The following LY75 variants were observed in gnomAD, a reference collection of about 807,000 sequenced individuals.
LY75 encodes the protein lymphocyte antigen 75.
LY75 carries 185 observed loss-of-function variants against 231.7 expected under a neutral mutation model. That is an observed-to-expected ratio of 0.80 (90% confidence interval 0.71 to 0.90). The LOEUF (loss-of-function observed/expected upper bound fraction) is 0.90. Among genes scored for constraint, LY75 ranks in the 40% least tolerant of loss-of-function variants. LY75 has a pLI of 0.00. For missense variants in LY75, 1,947 were observed against 2,050.2 expected, an observed-to-expected ratio of 0.95 and a Z score of 0.97; for synonymous variants, 668 against 689.0, an observed-to-expected ratio of 0.97 and a Z score of 0.48.
At chr2:159,841,925 A>T (rs1299588235) in intron 24 of LY75, among the ~76,000 whole-genome samples, 10 of 152,168 alleles carry the variant, frequency 6.6e-5, no homozygotes, top group Admixed American at 6.5e-4. Flanking sequence ...CTTTAAAAAA[A>T]TCACATTCCA....
At position 159,853,331 on chromosome 2, in the gene LY75, G is replaced by T. The variant is rs116709589; in HGVS notation, c.2685C>A (p.Arg895=). The change falls in exon 20 of 35, where the codon CGC becomes CGA. Residue 895 remains arginine, a synonymous_variant. Coordinates refer to ENST00000263636, the MANE Select transcript of LY75 (RefSeq NM_002349.4). The part of the protein sequence containing the change: ...HFTYSRYPWH[R]FPVTFGEECL... ...ATTCCTCTCCAAATGTCACAGGAAA[G>T]CGGTGCCATGGATATCGTGAGCTAA... The T allele has an allele frequency of 6.2e-7, 1 of 1,613,618 alleles. No individual in the cohort carries two copies. The highest frequency in any genetic ancestry group is 2.2e-5 in the East Asian group (1 of 44,844).
At chr2:159,871,830 T>C (rs1685021882) in intron 13 of LY75, 1 of 152,470 alleles carries the variant, frequency 6.6e-6, no homozygotes, top group South Asian at 2.1e-4. Flanking sequence ...TATATGTGAG[T>C]GTGTGTAGAT....
chr2:159,846,188 C>T (rs1321320243), intron 23 of LY75, among the ~76,000 whole-genome samples: 2 of 151,796 alleles, frequency 1.3e-5, no homozygotes, highest in Non-Finnish European at 2.9e-5. Flanking sequence ...GTATCATATA[C>T]CATGGATGTA....
At chr2:159,875,006 G>A (rs1332128843) in intron 12 of LY75, among the ~76,000 whole-genome samples, 15 of 137,966 alleles carry the variant, frequency 1.1e-4, no homozygotes, top group Non-Finnish European at 1.7e-4. Context: ...TATATATATT[G>A]TATATATAAA....
At chr2:159,823,803 C>G (rs1401953243) in intron 28 of LY75, among the ~76,000 whole-genome samples, 1 of 152,074 alleles carries the variant, frequency 6.6e-6, no homozygotes, top group Non-Finnish European at 1.5e-5. Flanking sequence ...TTCAACATTC[C>G]TAAAGAAAAG....
At chr2:159,809,175 T>G (rs896101514) in intron 32 of LY75, among the ~76,000 whole-genome samples, 2 of 152,198 alleles carry the variant, frequency 1.3e-5, no homozygotes, top group Admixed American at 1.3e-4. Context: ...TCAGAATAAA[T>G]TAGATAAATG....
Position 159,854,360 on chromosome 2 carries a change from A to T in LY75, c.2595T>A (p.Asn865Lys). The change falls in exon 18 of 35, where the codon AAT becomes AAA. Residue 865 changes from asparagine (N) to lysine (K), a missense_variant and splice_region_variant. Physicochemically the swap from Asn to Lys is moderately conservative, Grantham distance 94. Transcript: ENST00000263636. ...GLKAIKNKIA[N>K]ISGDGQKWWI... ...TTTAAAATATATTCTTTTAAATTAC[A>T]TTTGCTATTTTGTTTTTGATGGCTT... 1 of 1,405,042 alleles carries T rather than the reference A, an allele frequency of 7.1e-7. No homozygotes were observed. Among genetic ancestry groups the T allele is most frequent in the Non-Finnish European group, 9.4e-7 (1 of 1,066,340 alleles). The allele number at this position is 1,405,042 out of a possible 1,614,324, so 87.0% of individuals were successfully genotyped here.
At chr2:159,873,167 GAAA>G (rs1685070593) in intron 12 of LY75, among the ~76,000 whole-genome samples, 3 of 147,552 alleles carry the variant, frequency 2.0e-5, no homozygotes, top group African/African-American at 7.4e-5. Flanking sequence ...GAAGAAAGAA[GAAA>G]AAGAGGAGGA....
intron 5 of LY75, among the ~76,000 whole-genome samples, chr2:159,886,041 T>C (rs568346709): frequency 1.3e-5 from 2 of 152,270 alleles, no homozygotes; most frequent in East Asian, 1.9e-4. Flanking sequence ...CCCCAAGAGT[T>C]TGAAAACGAG....
intron 28 of LY75, among the ~76,000 whole-genome samples, chr2:159,831,394 CT>C (rs1292288616): frequency 6.6e-6 from 1 of 152,228 alleles, no homozygotes; most frequent in Non-Finnish European, 1.5e-5. Flanking sequence ...AATTAAAGCT[CT>C]TTTCTTCATA....
intron 23 of LY75, among the ~76,000 whole-genome samples, chr2:159,843,504 ACTGT>A (rs1006597957): frequency 6.9e-6 from 1 of 144,996 alleles, no homozygotes; most frequent in African/African-American, 2.7e-5. Context: ...TTTTTTTTTT[ACTGT>A]CTGTCAGGTA....
chr2:159,869,226 C>A (rs1386988187), intron 13 of LY75, among the ~76,000 whole-genome samples: 1 of 151,586 alleles, frequency 6.6e-6, no homozygotes, highest in Non-Finnish European at 1.5e-5. Flanking sequence ...TGCAGCAAAC[C>A]AACATGGCAC....
At chr2:159,830,228 G>A (rs961479963) in intron 28 of LY75, among the ~76,000 whole-genome samples, 1 of 152,162 alleles carries the variant, frequency 6.6e-6, no homozygotes, top group African/African-American at 2.4e-5. Flanking sequence ...ATGGGTTAGA[G>A]AGCAAAGGAG....
chr2:159,807,788 C>A, intron 33 of LY75: 1 of 944,814 alleles, frequency 1.1e-6, no homozygotes, highest in Non-Finnish European at 1.3e-6. Context: ...ACCTTATCTT[C>A]TGTCATATTT....
At chr2:159,886,836 T>C (rs963798473) in intron 4 of LY75, among the ~76,000 whole-genome samples, 42 of 152,178 alleles carry the variant, frequency 2.8e-4, no homozygotes, top group African/African-American at 9.4e-4. Context: ...TTTTTAATCC[T>C]CTTTTATTAA....
chr2:159,804,888 A>C lies in LY75; in HGVS notation c.*156T>G. The stretch of plus-strand genomic sequence containing the variant: ...TGATAAACATGGCATTTAGCAGGGA[A>C]TTAACTGTGGATACCAGCACATGCC... On this transcript the variant is annotated 3_prime_UTR_variant, in exon 35 of 35. Transcript: ENST00000263636. 2 of 563,702 alleles carry C rather than the reference A, an allele frequency of 3.5e-6. No individual in the cohort carries two copies. The highest frequency in any genetic ancestry group is 4.4e-5 in the South Asian group (2 of 45,458). 34.9% of individuals were successfully genotyped at this position (563,702 alleles called of 1,614,324 possible). A position where few individuals can be genotyped will look rare whatever the true frequency, so the allele number is the denominator to read the frequency against.
At chr2:159,850,232 CAT>C in intron 22 of LY75, 92 bp from the exon 23 acceptor site, 3 of 1,506,834 alleles carry the variant, frequency 2.0e-6, no homozygotes, top group Middle Eastern at 3.5e-4. Flanking sequence ...TATCTATCAA[CAT>C]AGTCTTTTAT....
intron 8 of LY75, among the ~76,000 whole-genome samples, chr2:159,880,447 C>T (rs946009274): frequency 3.3e-5 from 5 of 152,166 alleles, no homozygotes; most frequent in Non-Finnish European, 7.3e-5. Context: ...TTGTGGCTAT[C>T]TGCCGAATAT....
chr2:159,880,969 G>C (rs1252267205), intron 8 of LY75, 114 bp downstream of exon 8: 2 of 1,310,700 alleles, frequency 1.5e-6, no homozygotes, highest in Non-Finnish European at 2.1e-6. Context: ...CTGATCCAGA[G>C]TGCTCTTACC....
Sources: gnomAD v4.1 joint callset for allele counts (sites outside exome capture counted in the v4.1 genomes callset) on GRCh38, gnomAD v4.1.1 for gene constraint, MANE v1.5 for transcripts, NCBI Gene and HGNC (gene_info 2026-07-23, HGNC 2026-07-21) for gene names.